SNAPC3: variants seen among roughly 807,000 people sequenced by gnomAD.
SNAPC3 encodes the protein snRNA-activating protein complex subunit 3.
SNAPC3 carries 56 observed loss-of-function variants against 47.7 expected under a neutral mutation model. That is an observed-to-expected ratio of 1.18 (90% CI 0.95 to 1.47). SNAPC3 has a LOEUF of 1.47. SNAPC3 is among the 40% of genes most tolerant of loss of function. The probability of loss-of-function intolerance (pLI) is 0.00; values close to 1 mark genes in which losing one functional copy is unlikely to be tolerated. For missense variants in SNAPC3, 665 were observed against 511.3 expected, an observed-to-expected ratio of 1.30 and a Z score of -2.90; for synonymous variants, 235 against 189.9, an observed-to-expected ratio of 1.24 and a Z score of -1.95.
rs989961323 is a variant in SNAPC3 at position 15,461,299 on chromosome 9, A to G, written c.*1433A>G. ...CCTCAGCCTACCGAGTAGCTGAGAC[A>G]TGGTGGCACAGGCCACCATGGCGGG... On this transcript the variant is annotated 3_prime_UTR_variant, in exon 9 of 9. Coordinates refer to ENST00000380821, the MANE Select transcript of SNAPC3 (RefSeq NM_001039697.2). 1.3e-5 allele frequency: 2 copies of G among 152,166 alleles called. No homozygotes were observed. The highest frequency in any genetic ancestry group is 1.5e-5 in the Non-Finnish European group (1 of 68,048). The allele number at this position is 152,166 out of a possible 1,614,324, so 9.4% of individuals were successfully genotyped here. A position where few individuals can be genotyped will look rare whatever the true frequency, so the allele number is the denominator to read the frequency against.
intron 7 of SNAPC3, 133 bp downstream of exon 7, chr9:15,453,338 A>T: frequency 1.7e-6 from 1 of 601,468 alleles, no homozygotes; most frequent in Non-Finnish European, 2.8e-6. Context: ...GGAGCAGCAA[A>T]AATACTGTCT....
At chr9:15,462,220 ATTCT>A (rs1214779385), downstream of SNAPC3, 1 of 152,140 alleles carries the variant, frequency 6.6e-6, no homozygotes. Context: ...TGCTACTGGG[ATTCT>A]TTATTAATTA....
chr9:15,448,566 C>T (rs1321105793), intron 5 of SNAPC3, among the ~76,000 whole-genome samples: 1 of 152,168 alleles, frequency 6.6e-6, no homozygotes, highest in Non-Finnish European at 1.5e-5. Flanking sequence ...TTTCAGTATG[C>T]TGATTCAGTG....
At chr9:15,458,155 T>G (rs2034942601) in intron 8 of SNAPC3, 88 bp downstream of exon 8, 1 of 680,916 alleles carries the variant, frequency 1.5e-6, no homozygotes, top group Admixed American at 3.1e-5. Context: ...CTAAGAATAT[T>G]TGTACTTTAG....
At chr9:15,465,061 C>G (rs2035521009), downstream of SNAPC3, 1 of 224,744 alleles carries the variant, frequency 4.4e-6, no homozygotes, top group Non-Finnish European at 8.9e-6. Context: ...TTTTATCTAC[C>G]ATAAAAATGT....
chr9:15,446,396 G>T (rs933614383), intron 4 of SNAPC3, among the ~76,000 whole-genome samples: 3 of 152,140 alleles, frequency 2.0e-5, no homozygotes, highest in African/African-American at 7.2e-5. Flanking sequence ...TTGTAGAGAT[G>T]GGGTTTTGCT....
downstream of SNAPC3, chr9:15,465,954 CAT>C: frequency 5.8e-6 from 1 of 172,166 alleles, no homozygotes; most frequent in Admixed American, 6.2e-5. Context: ...TTGATACACA[CAT>C]AGACAACAAG....
chr9:15,430,451 ATT>A (rs892244522), intron 2 of SNAPC3, among the ~76,000 whole-genome samples: 21 of 152,266 alleles, frequency 1.4e-4, no homozygotes, highest in Admixed American at 5.9e-4. Context: ...AAGAAAATAA[ATT>A]TCCAGCTCAG....
chr9:15,446,950 T>C (rs1563849621), intron 4 of SNAPC3, 145 bp from the exon 5 acceptor site: 5 of 741,994 alleles, frequency 6.7e-6, no homozygotes, highest in Non-Finnish European at 6.9e-6. Flanking sequence ...CTATAATTAT[T>C]GGATGTGAAA....
chr9:15,462,072 A>G (rs1378788781), downstream of SNAPC3: 2 of 152,138 alleles, frequency 1.3e-5, no homozygotes, highest in Non-Finnish European at 1.5e-5. Context: ...ATGCAAGGAT[A>G]TTTTATCTTA....
intron 7 of SNAPC3, among the ~76,000 whole-genome samples, chr9:15,455,809 A>T (rs990144768): frequency 6.7e-6 from 1 of 150,198 alleles, no homozygotes; most frequent in East Asian, 2.0e-4. Flanking sequence ...AGCAATTCTC[A>T]TGCCTTAGCC....
chr9:15,465,403 AAAC>A, downstream of SNAPC3: 1 of 902,424 alleles, frequency 1.1e-6, no homozygotes, highest in East Asian at 2.6e-5. Context: ...TTCTCCCTCA[AAAC>A]AAGTTTTCAA....
chr9:15,445,785 C>CA (rs2033882482), intron 4 of SNAPC3, among the ~76,000 whole-genome samples: 1 of 152,044 alleles, frequency 6.6e-6, no homozygotes, highest in South Asian at 2.1e-4. Flanking sequence ...CTCATCTCTA[C>CA]AAAAAATACA....
chr9:15,444,866 A>G (rs948319876), intron 4 of SNAPC3, among the ~76,000 whole-genome samples, 160 bp downstream of exon 4: 4 of 152,314 alleles, frequency 2.6e-5, no homozygotes, highest in African/African-American at 9.6e-5. Context: ...CCAAGGCAGG[A>G]GGATCACTTG....
At chr9:15,425,343 G>A (rs1392568520) in intron 2 of SNAPC3, among the ~76,000 whole-genome samples, 2 of 151,896 alleles carry the variant, frequency 1.3e-5, no homozygotes, top group Admixed American at 6.6e-5. Context: ...TCAGCCTCCG[G>A]AGTAGCTGGG....
Position 15,459,682 on chromosome 9 carries a change from G to C in SNAPC3, c.1089-37G>C, listed in dbSNP as rs372818404. 8.6e-5 allele frequency: 137 copies of C among 1,588,006 alleles called. No individual in the cohort carries two copies. In the African/African-American group the frequency reaches 9.3e-4, roughly 11 times the overall value. ...AAAGCATGTTAAGTATGGCAAATTT[G>C]ATTGTAATGATGTACTTCTTTTTTT... On this transcript the variant is annotated intron_variant, in intron 8 of 8. Coordinates refer to ENST00000380821, the MANE Select transcript of SNAPC3 (RefSeq NM_001039697.2).
intron 3 of SNAPC3, among the ~76,000 whole-genome samples, chr9:15,434,875 C>T (rs781762548): frequency 1.3e-5 from 2 of 152,030 alleles, no homozygotes; most frequent in South Asian, 4.1e-4. Flanking sequence ...TTGGCTATTG[C>T]GAATAATGCT....
rs1236105806 is a variant in SNAPC3, at chr9:15,449,556, TATATA to T, written c.733-1763_733-1759del. ...ATTATTATATATATATATATATATA[TATATA>T]TATTTTTTTTTTTTTTTTTTTTTTT... On this transcript the variant is annotated intron_variant, in intron 5 of 8. Transcript: ENST00000380821. 6.9e-3 allele frequency among the ~76,000 whole-genome samples: 259 copies of T among 37,662 alleles called. 1 individual carries two copies. The highest frequency in any genetic ancestry group is 0.011 in the Non-Finnish European group (229 of 20,902). 24.7% of individuals were successfully genotyped at this position (37,662 alleles called of 152,430 possible). A position where few individuals can be genotyped will look rare whatever the true frequency, so the allele number is the denominator to read the frequency against.
In SNAPC3 at chr9:15,423,102, C is replaced by G; in HGVS notation, c.223C>G (p.Gln75Glu). ...GCCGGCATCCGCTCTGCCTGGGAGC[C>G]AGGCAGCTGACTCCGACCGGGAGGA... is the stretch of plus-strand genomic sequence containing the variant. ...EPPASALPGS[Q>E]AADSDREDAA... is the part of the protein sequence containing the mutation. The change falls in exon 1 of 9, where the codon CAG (glutamine) becomes GAG (glutamate). Residue 75 changes from glutamine (Q) to glutamate (E), a missense_variant. Coordinates refer to ENST00000380821, the MANE Select transcript of SNAPC3 (RefSeq NM_001039697.2). The G allele has an allele frequency of 6.5e-7, 1 of 1,548,236 alleles. No homozygotes were observed. The highest frequency in any genetic ancestry group is 8.6e-7 in the Non-Finnish European group (1 of 1,157,376).
Sources: allele counts gnomAD v4.1 joint callset (sites outside exome capture counted in the v4.1 genomes callset), GRCh38; gene constraint gnomAD v4.1.1; transcripts MANE v1.5; gene names NCBI Gene and HGNC (gene_info 2026-07-23, HGNC 2026-07-21).